PLCG2: variants seen among roughly 807,000 people sequenced by gnomAD.
The protein encoded by PLCG2 is 1-phosphatidylinositol 4,5-bisphosphate phosphodiesterase gamma-2.
PLCG2 carries 69 observed loss-of-function variants against 175.6 expected under a neutral mutation model. The ratio of observed to expected loss-of-function variants is 0.39; its 90% confidence interval spans 0.32 to 0.48. PLCG2 has a LOEUF of 0.48. Among genes scored for constraint, PLCG2 ranks in the 20% least tolerant of loss-of-function variants. The pLI, the probability that PLCG2 is intolerant of heterozygous loss-of-function variation, is 0.91. For missense variants in PLCG2, 1,798 were observed against 1,650.9 expected, an observed-to-expected ratio of 1.09 and a Z score of -1.54; for synonymous variants, 827 against 624.0, an observed-to-expected ratio of 1.33 and a Z score of -4.85.
At chr16:81,827,358 A>ATT (rs576476866) in intron 2 of PLCG2, among the ~76,000 whole-genome samples, 3 of 145,996 alleles carry the variant, frequency 2.1e-5, no homozygotes. Flanking sequence ...TATTTTTTGT[A>ATT]TTTTTTTTTT....
At chr16:81,790,443 G>T (rs981269541) in intron 2 of PLCG2, among the ~76,000 whole-genome samples, 3 of 152,226 alleles carry the variant, frequency 2.0e-5, no homozygotes, top group Non-Finnish European at 4.4e-5. Flanking sequence ...CTCACACCTT[G>T]AGAGAGCAGG....
At position 81,919,524 on chromosome 16, in the gene PLCG2, G is replaced by A. The variant is rs753618006; in HGVS notation, c.2095G>A (p.Gly699Ser). 10 of 1,614,028 alleles carry A rather than the reference G, an allele frequency of 6.2e-6. No homozygotes were observed. In the African/African-American group the frequency reaches 8.0e-5, roughly 13 times the overall value. ...AAAGCATTGTCGCATCAACCGGGAC[G>A]GCCGGCACTTTGTGCTGGGGACCTC... Reference protein sequence around the residue: ...KVKHCRINRDGRHFVLGTSAY... With the variant: ...KVKHCRINRDSRHFVLGTSAY... The change falls in exon 20 of 33, where the codon GGC becomes AGC. Residue 699 changes from glycine to serine, a missense_variant. Coordinates refer to ENST00000564138, the MANE Select transcript of PLCG2 (RefSeq NM_002661.5).
At chr16:81,792,166 T>A (rs1409016261) in intron 2 of PLCG2, among the ~76,000 whole-genome samples, 3 of 152,068 alleles carry the variant, frequency 2.0e-5, no homozygotes, top group African/African-American at 7.2e-5. Flanking sequence ...ACTGTATTAG[T>A]CCATTCTTAT....
chr16:81,935,575 A>C (rs1478857796), intron 26 of PLCG2: 2 of 985,298 alleles, frequency 2.0e-6, no homozygotes, highest in East Asian at 1.1e-4. Context: ...CCCCTCAGTT[A>C]ACTTACCGGG....
chr16:81,825,900 T>A (rs1905026021), intron 2 of PLCG2, among the ~76,000 whole-genome samples: 1 of 152,130 alleles, frequency 6.6e-6, no homozygotes, highest in Admixed American at 6.6e-5. Flanking sequence ...ACATAGGGTG[T>A]TAGGTGGATC....
In PLCG2 at chr16:81,825,294, T is replaced by TGTTTG. The variant is rs1555509889; in HGVS notation, c.194-29150_194-29149insGTTTG. Among the ~76,000 whole-genome samples the TGTTTG allele has an allele frequency of 2.9e-5, 4 of 138,050 alleles. No homozygotes were observed. The South Asian group carries it at 6.9e-4, about 24-fold the overall frequency. The allele number at this position is 138,050 out of a possible 152,430, so 90.6% of individuals were successfully genotyped here. A position where few individuals can be genotyped will look rare whatever the true frequency, so the allele number is the denominator to read the frequency against. On this transcript the variant is annotated intron_variant, in intron 2 of 32. Transcript: ENST00000564138. ...GAAGAGATGCTCTAATTTTTTTTTTTTTTTTTTTTTTTGAGACAGAGTCTC... is the reference window on the plus strand; with the variant it reads ...GAAGAGATGCTCTAATTTTTTTTTTTGTTTGTTTTTTTTTTTTGAGACAGAGTCTC...
chr16:81,880,575 CAA>C (rs1163959769), intron 7 of PLCG2, among the ~76,000 whole-genome samples: 1 of 151,180 alleles, frequency 6.6e-6, no homozygotes, highest in African/African-American at 2.4e-5. Context: ...TGAAACACAG[CAA>C]AAAATTGTGA....
intron 31 of PLCG2, among the ~76,000 whole-genome samples, chr16:81,953,460 G>A (rs2143772560): frequency 6.6e-6 from 1 of 152,124 alleles, no homozygotes; most frequent in South Asian, 2.1e-4. Context: ...AAAAGGTATT[G>A]GTGGGGGAAA....
intron 2 of PLCG2, among the ~76,000 whole-genome samples, chr16:81,834,764 C>T (rs143299165): frequency 0.026 from 3,950 of 152,232 alleles, 71 homozygotes; most frequent in Middle Eastern, 0.054. Context: ...GCTCCCAGGA[C>T]GAGGACAATC....
chr16:81,886,897 G>T (rs1328275820), intron 9 of PLCG2, among the ~76,000 whole-genome samples: 1 of 152,118 alleles, frequency 6.6e-6, no homozygotes, highest in African/African-American at 2.4e-5. Flanking sequence ...ACTATTACAG[G>T]TATCTAGTGC....
chr16:81,949,274 G>C lies in PLCG2; in HGVS notation c.3570+3011G>C, dbSNP rs767295686. ...TGTTTCTCTAATCTGCTGCTTCTGA[G>C]GGCCCACTTGGTTGCAGGTGAGATG... On this transcript the variant is annotated intron_variant, in intron 31 of 32. Transcript: ENST00000564138. 1.6e-4 allele frequency among the ~76,000 whole-genome samples: 25 copies of C among 152,286 alleles called. 1 individual carries two copies. Among genetic ancestry groups the C allele is most frequent in the Admixed American group, 4.6e-4 (7 of 15,298 alleles).
chr16:81,838,034 C>G (rs1905616026), intron 2 of PLCG2, among the ~76,000 whole-genome samples: 1 of 152,126 alleles, frequency 6.6e-6, no homozygotes, highest in Admixed American at 6.6e-5. Flanking sequence ...TTTCTTACAC[C>G]AATTCCATTT....
At chr16:81,810,717 A>C (rs1904310683) in intron 2 of PLCG2, among the ~76,000 whole-genome samples, 1 of 150,212 alleles carries the variant, frequency 6.7e-6, no homozygotes, top group South Asian at 2.1e-4. Flanking sequence ...TCATTAATTC[A>C]TTCTTCCTGT....
chr16:81,832,552 G>A (rs986100847), intron 2 of PLCG2, among the ~76,000 whole-genome samples: 7 of 151,342 alleles, frequency 4.6e-5, no homozygotes, highest in Non-Finnish European at 8.9e-5. Context: ...ACCATGCCCA[G>A]CTAATTTGTG....
intron 1 of PLCG2, among the ~76,000 whole-genome samples, chr16:81,785,444 C>G (rs574457519): frequency 5.3e-5 from 8 of 152,126 alleles, no homozygotes; most frequent in African/African-American, 1.9e-4. Flanking sequence ...GAACCATTTG[C>G]CAAAGTCTCC....
intron 2 of PLCG2, among the ~76,000 whole-genome samples, chr16:81,846,665 T>C (rs1906135624): frequency 6.6e-6 from 1 of 152,222 alleles, no homozygotes; most frequent in African/African-American, 2.4e-5. Context: ...TGTTCATGGA[T>C]AGGAAGACTC....
At chr16:81,891,821 G>C (rs560480086) in intron 11 of PLCG2, among the ~76,000 whole-genome samples, 1 of 152,280 alleles carries the variant, frequency 6.6e-6, no homozygotes, top group African/African-American at 2.4e-5. Flanking sequence ...TAAAAAGCTA[G>C]TAAAAACAAA....
chr16:81,753,144 TCCACACCCCCTC>T (rs1251174604), intron 1 of PLCG2, among the ~76,000 whole-genome samples: 3 of 35,726 alleles, frequency 8.4e-5, no homozygotes, highest in Non-Finnish European at 1.0e-4. Context: ...CTCGCACCCT[TCCACACCCCCTC>T]GGCCCTGCCT....
chr16:81,923,068 A>G (rs1267462034), intron 21 of PLCG2, among the ~76,000 whole-genome samples: 1 of 152,150 alleles, frequency 6.6e-6, no homozygotes, highest in East Asian at 1.9e-4. Flanking sequence ...AGGCTTGCTG[A>G]GCACCGGCAC....
Sources: allele counts gnomAD v4.1 joint callset (sites outside exome capture counted in the v4.1 genomes callset), GRCh38; gene constraint gnomAD v4.1.1; transcripts MANE v1.5; gene names NCBI Gene and HGNC (gene_info 2026-07-23, HGNC 2026-07-21).